Variants in GRK6 observed in about 807,000 individuals in gnomAD.
GRK6 encodes the protein G protein-coupled receptor kinase 6.
In GRK6, 37 loss-of-function variants were observed where a neutral mutation model predicts 80.8. The ratio of observed to expected loss-of-function variants is 0.46; its 90% CI spans 0.35 to 0.60. GRK6 has a LOEUF of 0.60. Ranked by LOEUF, GRK6 falls within the 20% of genes least tolerant of loss-of-function variation. The pLI is 0.00. For missense variants in GRK6, 560 were observed against 784.6 expected (o/e 0.71, Z 3.42); for synonymous variants, 295 against 320.9 (o/e 0.92, Z 0.86).
chr5:177,432,488 G>T (rs531080644), intron 4 of GRK6, among the ~76,000 whole-genome samples, 178 bp downstream of exon 4: 26 of 152,358 alleles, frequency 1.7e-4, no homozygotes, highest in African/African-American at 5.8e-4. Flanking sequence ...TGCAGCCCAG[G>T]GTATGGGCTG....
chr5:177,434,758 G>A lies in GRK6; in HGVS notation c.930-144G>A, dbSNP rs1764066077. 4 of 826,124 alleles carry A rather than the reference G, an allele frequency of 4.8e-6. No homozygotes were observed. In the South Asian group the frequency reaches 6.2e-5, roughly 13 times the overall value. The allele number at this position is 826,124 out of a possible 1,614,324, so 51.2% of individuals were successfully genotyped here. A position where few individuals can be genotyped will look rare whatever the true frequency, so the allele number is the denominator to read the frequency against. ...GTCCGGGCTGTTGCCAGGGAGAGCAGGGCTGTCTGTCGCCCTGGCAGCAAA... is the reference window on the plus strand; with the variant it reads ...GTCCGGGCTGTTGCCAGGGAGAGCAAGGCTGTCTGTCGCCCTGGCAGCAAA... On this transcript the variant is annotated intron_variant, in intron 9 of 15. Coordinates refer to ENST00000355472, the MANE Select transcript of GRK6 (RefSeq NM_001004106.3).
At chr5:177,431,903 G>A (rs765456389) in intron 2 of GRK6, 92 bp from the exon 3 acceptor site, 1 of 1,106,312 alleles carries the variant, frequency 9.0e-7, no homozygotes, top group Non-Finnish European at 1.4e-6. Flanking sequence ...GCTGGAAGCT[G>A]TTGTGGGGGC....
intron 13 of GRK6, among the ~76,000 whole-genome samples, chr5:177,439,556 A>C (rs1023346173): frequency 7.2e-5 from 11 of 152,046 alleles, no homozygotes; most frequent in South Asian, 4.1e-4. Context: ...AAAAAAAAAA[A>C]AAGTGCAATT....
At position 177,433,823 on chromosome 5, in the gene GRK6, A is replaced by G. The variant is rs573421838; in HGVS notation, c.739-91A>G. On this transcript the variant is annotated intron_variant, in intron 8 of 15. Coordinates refer to ENST00000355472, the MANE Select transcript of GRK6 (RefSeq NM_001004106.3). ...CAGGCTTGGGGAGCAGGCTGGGCCC[A>G]AGGAGTGGCACCGAGAAGGCTTTTT... is the stretch of plus-strand genomic sequence containing the variant. 4 of 1,490,894 alleles carry G rather than the reference A, an allele frequency of 2.7e-6. No homozygotes were observed. In the Admixed American group the frequency reaches 6.7e-5, roughly 25 times the overall value. 92.4% of individuals were successfully genotyped at this position (1,490,894 alleles called of 1,614,324 possible).
At chr5:177,438,088 G>A (rs1764249680) in intron 13 of GRK6, among the ~76,000 whole-genome samples, 1 of 152,184 alleles carries the variant, frequency 6.6e-6, no homozygotes, top group African/African-American at 2.4e-5. Flanking sequence ...AAAGCAAGCG[G>A]CTGGGTGCGG....
intron 13 of GRK6, among the ~76,000 whole-genome samples, chr5:177,437,214 C>CA (rs1348964763): frequency 1.3e-5 from 2 of 152,162 alleles, no homozygotes; most frequent in Non-Finnish European, 2.9e-5. Flanking sequence ...CTCGGCCTCC[C>CA]AAAGTGCTGG....
rs763720343 is a variant in GRK6, at chr5:177,441,845, G to A, written c.*55G>A. The A allele has an allele frequency of 1.3e-5, 20 of 1,534,542 alleles. No individual in the cohort carries two copies. The highest frequency in any genetic ancestry group is 5.6e-5 in the South Asian group (5 of 88,566). On this transcript the variant is annotated 3_prime_UTR_variant, in exon 16 of 16. Coordinates refer to ENST00000355472, the MANE Select transcript of GRK6 (RefSeq NM_001004106.3). ...GGCGGTAGCAGCTACTCCGAGCGCC[G>A]TTTACAGTTTTGCACAGTGATCTTC...
rs1201418084 is a variant in GRK6, at chr5:177,433,419, C to T, written c.597+9C>T. ...AAGGTGGCTTTGGGGAGGTGAGTGGCCAGGCCAGAGCCCCTGGGAGAGTGA... is the reference window on the plus strand; with the variant it reads ...AAGGTGGCTTTGGGGAGGTGAGTGGTCAGGCCAGAGCCCCTGGGAGAGTGA... On this transcript the variant is annotated intron_variant, in intron 7 of 15. Coordinates refer to ENST00000355472, the MANE Select transcript of GRK6 (RefSeq NM_001004106.3). 3.1e-6 allele frequency: 5 copies of T among 1,612,684 alleles called. No individual in the cohort carries two copies. Among genetic ancestry groups the T allele is most frequent in the Non-Finnish European group, 4.2e-6 (5 of 1,179,230 alleles).
chr5:177,426,247 G>A (rs1048022449), upstream of GRK6, among the ~76,000 whole-genome samples: 1 of 152,202 alleles, frequency 6.6e-6, no homozygotes, highest in Non-Finnish European at 1.5e-5. Context: ...TAGAAAAGCC[G>A]TCTGCGAGCC....
intron 3 of GRK6, 45 bp downstream of exon 3, chr5:177,432,152 C>T: frequency 1.9e-6 from 3 of 1,608,570 alleles, no homozygotes; most frequent in Non-Finnish European, 2.6e-6. Context: ...TGGCCGAGGT[C>T]CTGGCCCCAT....
Position 177,428,718 on chromosome 5 carries a change from G to A in GRK6, c.52+1821G>A, listed in dbSNP as rs916612912. ...TAGGCATGAGCCACCGCGCCTGGCC[G>A]ACCTGCATGACTTTAAACATGTCTC... On this transcript the variant is annotated intron_variant, in intron 1 of 15. Transcript: ENST00000355472. The surrounding 1 kb of genome is among the most constrained non-coding windows in gnomAD (Gnocchi z 4.1). Among the ~76,000 whole-genome samples the A allele has an allele frequency of 1.6e-4, 25 of 152,250 alleles. No homozygotes were observed. Among genetic ancestry groups the A allele is most frequent in the African/African-American group, 5.5e-4 (23 of 41,542 alleles).
At chr5:177,433,720 C>T (rs370154688) in intron 8 of GRK6, 44 bp downstream of exon 8, 88 of 1,604,482 alleles carry the variant, frequency 5.5e-5, no homozygotes, top group Non-Finnish European at 5.6e-5. Context: ...GCCACACTGG[C>T]GCACCGACCG....
In GRK6 at chr5:177,431,662, G is replaced by A. The variant is rs1029922336; in HGVS notation, c.149-333G>A. The A allele has an allele frequency of 3.7e-5, 12 of 320,056 alleles. No individual in the cohort carries two copies. In the Admixed American group the frequency reaches 3.9e-4, roughly 10 times the overall value. 19.8% of individuals were successfully genotyped at this position (320,056 alleles called of 1,614,324 possible). On this transcript the variant is annotated intron_variant, in intron 2 of 15. Transcript: ENST00000355472. ...GGCCTGGCCCCGGCTGGGCTGGGCC[G>A]GAACCTCACGGACCGCACCCAACCC...
At chr5:177,427,088 A>G (rs1250858321) in intron 1 of GRK6, among the ~76,000 whole-genome samples, 191 bp downstream of exon 1, 1 of 151,884 alleles carries the variant, frequency 6.6e-6, no homozygotes, top group Non-Finnish European at 1.5e-5. Context: ...TTCGGGGCCC[A>G]GGAAGGGGCG....
chr5:177,442,627 C>T lies in GRK6; in HGVS notation c.*837C>T, dbSNP rs1764569100. On this transcript the variant is annotated 3_prime_UTR_variant, in exon 16 of 16. Coordinates refer to ENST00000355472, the MANE Select transcript of GRK6 (RefSeq NM_001004106.3). Reference sequence around the variant, plus strand: ...ATAGACACATGTGCCCAGCAATAATCCGCCCCTTCCTGTGTGCGCCTGTGG... The same window carrying T: ...ATAGACACATGTGCCCAGCAATAATTCGCCCCTTCCTGTGTGCGCCTGTGG... The T allele has an allele frequency of 6.5e-6, 1 of 152,836 alleles. No individual in the cohort carries two copies. Among genetic ancestry groups the T allele is most frequent in the South Asian group, 2.1e-4 (1 of 4,850 alleles). The allele number at this position is 152,836 out of a possible 1,614,324, so 9.5% of individuals were successfully genotyped here.
chr5:177,440,440 G>C (rs1936035118), intron 13 of GRK6, among the ~76,000 whole-genome samples: 2 of 152,270 alleles, frequency 1.3e-5, no homozygotes, highest in Non-Finnish European at 2.9e-5. Context: ...CGAAGGAGGT[G>C]CCTGGCATTG....
intron 1 of GRK6, among the ~76,000 whole-genome samples, chr5:177,427,860 G>A (rs1289435065): frequency 2.0e-5 from 3 of 152,092 alleles, no homozygotes; most frequent in South Asian, 4.1e-4. Flanking sequence ...GGCTTAAAAA[G>A]TCATCTGCTT....
At chr5:177,440,595 G>T in intron 13 of GRK6, 105 bp from the exon 14 acceptor site, 3 of 1,356,902 alleles carry the variant, frequency 2.2e-6, no homozygotes, top group Non-Finnish European at 3.1e-6. Flanking sequence ...AGAGCTGCTG[G>T]TGTCAGGCAG....
In GRK6 at chr5:177,428,924, G is replaced by A. The variant is rs1763777672; in HGVS notation, c.53-1948G>A. On this transcript the variant is annotated intron_variant, in intron 1 of 15. Coordinates refer to ENST00000355472, the MANE Select transcript of GRK6 (RefSeq NM_001004106.3). This position sits in a 1 kb window ranked among gnomAD's most constrained non-coding sequence, Gnocchi z 4.1. ...TGGGGCCCCTGACGGCTTCTCAAGTGATCTGAGGCCCCAGGTGGGGTTTGG... is the reference window on the plus strand; with the variant it reads ...TGGGGCCCCTGACGGCTTCTCAAGTAATCTGAGGCCCCAGGTGGGGTTTGG... Among the ~76,000 whole-genome samples, 2 of 152,286 alleles carry A rather than the reference G, an allele frequency of 1.3e-5. No homozygotes were observed. The highest frequency in any genetic ancestry group is 3.4e-3 in the Middle Eastern group (1 of 294).
Sources: allele counts gnomAD v4.1 joint callset (sites outside exome capture counted in the v4.1 genomes callset), GRCh38; gene constraint gnomAD v4.1.1; non-coding constraint Gnocchi (gnomAD v3.1); transcripts MANE v1.5; gene names NCBI Gene and HGNC (gene_info 2026-07-23, HGNC 2026-07-21).